The following SLC24A2 variants were observed in gnomAD, a reference collection of about 807,000 sequenced individuals.
SLC24A2 encodes sodium/potassium/calcium exchanger 2.
SLC24A2 carries 36 observed loss-of-function variants against 62.0 expected under a neutral mutation model. That is an observed-to-expected ratio of 0.58 (90% CI 0.44 to 0.77). SLC24A2 has a LOEUF of 0.77. Among genes scored for constraint, SLC24A2 ranks in the 30% least tolerant of loss-of-function variants. The pLI is 0.00. For missense variants in SLC24A2, 846 were observed against 817.9 expected, an observed-to-expected ratio of 1.03 and a Z score of -0.42; for synonymous variants, 358 against 294.0, an observed-to-expected ratio of 1.22 and a Z score of -2.23.
chr9:19,701,200 GAT>G (rs958030854), intron 2 of SLC24A2, among the ~76,000 whole-genome samples: 1 of 152,206 alleles, frequency 6.6e-6, no homozygotes, highest in African/African-American at 2.4e-5. Context: ...GATCGAAGGG[GAT>G]GATCTGCATG....
chr9:19,835,743 A>T, the SLC24A2 span, among the ~76,000 whole-genome samples: 1 of 152,212 alleles, frequency 6.6e-6, no homozygotes, highest in Non-Finnish European at 1.5e-5. Flanking sequence ...ACATCTACAG[A>T]ACTCTCTACC....
chr9:20,119,241 G>C, the SLC24A2 span, among the ~76,000 whole-genome samples: 1 of 152,026 alleles, frequency 6.6e-6, no homozygotes, highest in Non-Finnish European at 1.5e-5. Context: ...GTAGCCTTGT[G>C]AGACTCTAAG....
At chr9:20,104,155 A>C in the SLC24A2 span, among the ~76,000 whole-genome samples, 1 of 152,216 alleles carries the variant, frequency 6.6e-6, no homozygotes. Context: ...GAGAAAAAAT[A>C]ATAAAAAGAA....
intron 2 of SLC24A2, among the ~76,000 whole-genome samples, chr9:19,780,417 G>A (rs911768590): frequency 1.3e-5 from 2 of 151,312 alleles, no homozygotes; most frequent in African/African-American, 4.8e-5. Flanking sequence ...ACAGGCGCCT[G>A]CCACTGCGCC....
chr9:19,856,689 G>A, the SLC24A2 span, among the ~76,000 whole-genome samples: 11 of 152,130 alleles, frequency 7.2e-5, no homozygotes, highest in Non-Finnish European at 1.3e-4. Context: ...TCCCAGAGGG[G>A]CACTGACCTG....
At chr9:20,051,799 T>G in the SLC24A2 span, among the ~76,000 whole-genome samples, 1 of 151,570 alleles carries the variant, frequency 6.6e-6, no homozygotes, top group African/African-American at 2.4e-5. Context: ...ACTCGAACAC[T>G]AGAGAGCTGG....
At chr9:19,863,201 A>G in the SLC24A2 span, among the ~76,000 whole-genome samples, 1 of 152,036 alleles carries the variant, frequency 6.6e-6, no homozygotes. Flanking sequence ...AACAATTTTA[A>G]ATATATATGC....
At chr9:19,559,482 C>A (rs1374440859) in intron 7 of SLC24A2, among the ~76,000 whole-genome samples, 2 of 152,110 alleles carry the variant, frequency 1.3e-5, no homozygotes, top group African/African-American at 4.8e-5. Context: ...CTATCAGAAA[C>A]AAAGCTTCTA....
chr9:20,209,269 T>A, the SLC24A2 span, among the ~76,000 whole-genome samples: 1 of 152,226 alleles, frequency 6.6e-6, no homozygotes, highest in South Asian at 2.1e-4. Context: ...ATTAGCATGT[T>A]AAGGACACAG....
At chr9:20,058,801 A>G in the SLC24A2 span, among the ~76,000 whole-genome samples, 30 of 152,340 alleles carry the variant, frequency 2.0e-4, no homozygotes, top group East Asian at 5.8e-3. Context: ...ATGCATACGT[A>G]TGTGTGTACA....
At chr9:19,542,085 A>G (rs985603482) in intron 8 of SLC24A2, among the ~76,000 whole-genome samples, 2 of 152,106 alleles carry the variant, frequency 1.3e-5, no homozygotes, top group African/African-American at 4.8e-5. Context: ...GCACGCACAC[A>G]CTGGCCTGCG....
At chr9:19,574,926 C>T (rs1013388299) in intron 6 of SLC24A2, among the ~76,000 whole-genome samples, 3 of 152,236 alleles carry the variant, frequency 2.0e-5, no homozygotes, top group East Asian at 1.9e-4. Context: ...TTGTCAGATC[C>T]GAGCAGTATC....
At chr9:19,780,872 CAAAAAAA>C (rs373405657) in intron 2 of SLC24A2, among the ~76,000 whole-genome samples, 1 of 36,254 alleles carries the variant, frequency 2.8e-5, no homozygotes, top group Non-Finnish European at 6.4e-5. Context: ...GACTCCGTCT[CAAAAAAA>C]AAAAAAAAAA....
the SLC24A2 span, among the ~76,000 whole-genome samples, chr9:20,256,677 G>A: frequency 6.6e-6 from 1 of 152,130 alleles, no homozygotes; most frequent in African/African-American, 2.4e-5. Flanking sequence ...GTTCAGGGGA[G>A]AGGTTGGGAT....
the SLC24A2 span, among the ~76,000 whole-genome samples, chr9:20,223,709 G>C: frequency 6.6e-6 from 1 of 152,252 alleles, no homozygotes; most frequent in East Asian, 1.9e-4. Context: ...AGTGGATGTG[G>C]CTTACAAATT....
At chr9:19,988,166 C>T in the SLC24A2 span, among the ~76,000 whole-genome samples, 1 of 152,074 alleles carries the variant, frequency 6.6e-6, no homozygotes, top group Non-Finnish European at 1.5e-5. Flanking sequence ...TTCTCTCCTA[C>T]CACCCCTTTG....
chr9:20,281,674 A>G, the SLC24A2 span, among the ~76,000 whole-genome samples: 3 of 152,208 alleles, frequency 2.0e-5, no homozygotes, highest in African/African-American at 7.2e-5. Flanking sequence ...TCATTGTTGT[A>G]TAGTATTTGA....
chr9:20,217,415 T>G, the SLC24A2 span, among the ~76,000 whole-genome samples: 1 of 152,188 alleles, frequency 6.6e-6, no homozygotes, highest in Non-Finnish European at 1.5e-5. Context: ...ACTGATGTGT[T>G]CCCTTTGTAT....
At chr9:19,722,093 C>T (rs889727501) in intron 2 of SLC24A2, among the ~76,000 whole-genome samples, 43 of 152,072 alleles carry the variant, frequency 2.8e-4, no homozygotes, top group African/African-American at 9.9e-4. Flanking sequence ...TTATAGTTTT[C>T]GTACATGTTA....
Sources: gnomAD v4.1 joint callset for allele counts (sites outside exome capture counted in the v4.1 genomes callset) on GRCh38, gnomAD v4.1.1 for gene constraint, MANE v1.5 for transcripts, NCBI Gene and HGNC (gene_info 2026-07-23, HGNC 2026-07-21) for gene names.